Variants in HK1 observed in about 807,000 individuals in gnomAD.
HK1 encodes the protein hexokinase 1, also known as hexokinase-1.
A neutral mutation model predicts 91.6 loss-of-function variants in HK1; 28 were observed. The ratio of observed to expected loss-of-function variants is 0.31; its 90% CI spans 0.23 to 0.42. The LOEUF is 0.42. Ranked by LOEUF, HK1 falls within the 10% of genes least tolerant of loss-of-function variation. The pLI, the probability that HK1 is intolerant of heterozygous loss-of-function variation, is 1.00. For synonymous variants in HK1, 430 were observed against 468.1 expected (o/e 0.92, Z 1.05); for missense variants, 770 against 1,219.8 (o/e 0.63, Z 5.49).
intron 4 of HK1, among the ~76,000 whole-genome samples, chr10:69,299,505 T>C (rs996648320): frequency 1.3e-5 from 2 of 151,556 alleles, no homozygotes; most frequent in Non-Finnish European, 2.9e-5. Flanking sequence ...TAGTTGGGAT[T>C]ACAGGCGTGC....
At chr10:69,318,150 C>A (rs59047690), upstream of HK1, 4,463 of 985,426 alleles carry the variant, frequency 4.5e-3, 158 homozygotes, top group African/African-American at 0.071. Context: ...TGGGGTGTCG[C>A]TTTGGGTTCA....
intron 2 of HK1, among the ~76,000 whole-genome samples, chr10:69,347,697 G>A (rs1848639255): frequency 6.6e-6 from 1 of 152,138 alleles, no homozygotes. Context: ...GCCCCTCAAA[G>A]TGCTGGGATT....
upstream of HK1, among the ~76,000 whole-genome samples, chr10:69,314,522 T>C (rs552022132): frequency 1.2e-4 from 19 of 152,356 alleles, 1 homozygote; most frequent in South Asian, 3.1e-3. Flanking sequence ...GTTTAGGCAC[T>C]GGTCTTAATT....
At chr10:69,391,640 T>C (rs911188880) in intron 14 of HK1, among the ~76,000 whole-genome samples, 11 of 152,230 alleles carry the variant, frequency 7.2e-5, no homozygotes, top group Non-Finnish European at 1.0e-4. Flanking sequence ...AGACCCTGTC[T>C]TGAAGAAAAG....
At chr10:69,270,460 G>A (rs1844100144) in intron 1 of HK1, among the ~76,000 whole-genome samples, 1 of 152,130 alleles carries the variant, frequency 6.6e-6, no homozygotes, top group African/African-American at 2.4e-5. Context: ...GCAGGTGCCT[G>A]TAATCCTAGC....
rs10998727 is a variant in HK1, at chr10:69,340,131, C to T, written c.64-3696C>T. 4.6e-5 allele frequency among the ~76,000 whole-genome samples: 7 copies of T among 152,264 alleles called. No individual in the cohort carries two copies. The East Asian group carries it at 9.7e-4, about 21-fold the overall frequency. ...ATGTTTTCTTTCCCTGGGGAACTCA[C>T]GCAGTATCATAGGAGATGGACAGCT... On this transcript the variant is annotated intron_variant, in intron 1 of 17. Coordinates refer to ENST00000359426, the MANE Select transcript of HK1 (RefSeq NM_000188.3).
At chr10:69,327,874 C>G (rs1426211621) in intron 1 of HK1, among the ~76,000 whole-genome samples, 1 of 152,200 alleles carries the variant, frequency 6.6e-6, no homozygotes, top group East Asian at 1.9e-4. Flanking sequence ...GCTTCAGAGT[C>G]CCACGGACTG....
chr10:69,367,850 T>C (rs889916277), intron 4 of HK1, among the ~76,000 whole-genome samples: 1 of 152,246 alleles, frequency 6.6e-6, no homozygotes, highest in African/African-American at 2.4e-5. Context: ...AAAAGCAATA[T>C]GTAAAACTAT....
intron 5 of HK1, among the ~76,000 whole-genome samples, chr10:69,303,866 A>G (rs182636245): frequency 3.7e-4 from 57 of 152,294 alleles, no homozygotes; most frequent in African/African-American, 1.3e-3. Context: ...TTGGAGTTTT[A>G]AGGATAATTT....
intron 1 of HK1, among the ~76,000 whole-genome samples, chr10:69,330,396 C>A (rs1847648148): frequency 6.6e-6 from 1 of 151,592 alleles, no homozygotes; most frequent in Non-Finnish European, 1.5e-5. Flanking sequence ...ACATATGGGG[C>A]AGGTGAGTCC....
chr10:69,280,023 A>G (rs1333785846), intron 1 of HK1, among the ~76,000 whole-genome samples: 1 of 152,256 alleles, frequency 6.6e-6, no homozygotes, highest in Non-Finnish European at 1.5e-5. Flanking sequence ...GGAAGGATGA[A>G]AGGATTGACC....
At chr10:69,378,980 C>T (rs1482341213) in intron 8 of HK1, among the ~76,000 whole-genome samples, 2 of 152,110 alleles carry the variant, frequency 1.3e-5, no homozygotes, top group South Asian at 2.1e-4. Flanking sequence ...CTTGGGACTC[C>T]CCCGACCCTC....
intron 2 of HK1, among the ~76,000 whole-genome samples, chr10:69,350,051 T>C (rs952857588): frequency 6.6e-6 from 1 of 152,106 alleles, no homozygotes; most frequent in Non-Finnish European, 1.5e-5. Flanking sequence ...CCTGCAGCCC[T>C]AGGCTGACCC....
chr10:69,382,438 A>G lies in HK1; in HGVS notation c.1266-49A>G, dbSNP rs369030169. 70 of 1,593,218 alleles carry G rather than the reference A, an allele frequency of 4.4e-5. No homozygotes were observed. In the African/African-American group the frequency reaches 7.4e-4, roughly 17 times the overall value. On this transcript the variant is annotated intron_variant, in intron 9 of 17. Transcript: ENST00000359426. ...AAGAAAGGGTGGCCGGAGGTCCCCAATAAATGCTCAGTCCAGCTGTTGTGG... is the reference window on the plus strand; with the variant it reads ...AAGAAAGGGTGGCCGGAGGTCCCCAGTAAATGCTCAGTCCAGCTGTTGTGG...
chr10:69,348,764 C>G (rs777350713), intron 2 of HK1, among the ~76,000 whole-genome samples: 3 of 151,718 alleles, frequency 2.0e-5, no homozygotes, highest in African/African-American at 7.3e-5. Flanking sequence ...GAGCTGAGAT[C>G]ACGCCACTGC....
chr10:69,298,071 C>T (rs1322332069), intron 4 of HK1, among the ~76,000 whole-genome samples: 3 of 150,456 alleles, frequency 2.0e-5, no homozygotes, highest in East Asian at 3.9e-4. Context: ...ATTAGCCAGG[C>T]GTGGTGGCAG....
chr10:69,338,617 C>T (rs770317350), intron 1 of HK1: 4 of 1,288,528 alleles, frequency 3.1e-6, no homozygotes, highest in Non-Finnish European at 4.0e-6. Flanking sequence ...TTGGCTGGAG[C>T]AGTAAAGCAG....
intron 5 of HK1, among the ~76,000 whole-genome samples, chr10:69,309,784 C>T (rs1846278149): frequency 1.3e-5 from 2 of 151,012 alleles, no homozygotes; most frequent in South Asian, 2.1e-4. Context: ...AGGTGGCTCA[C>T]TCCTGTAATC....
At chr10:69,341,177 T>C (rs576002755) in intron 1 of HK1, among the ~76,000 whole-genome samples, 2 of 152,164 alleles carry the variant, frequency 1.3e-5, no homozygotes, top group South Asian at 4.1e-4. Flanking sequence ...TCTTTTTTTT[T>C]TGGAGACTGG....
Sources: gnomAD v4.1 joint callset for allele counts (sites outside exome capture counted in the v4.1 genomes callset) on GRCh38, gnomAD v4.1.1 for gene constraint, MANE v1.5 for transcripts, NCBI Gene and HGNC (gene_info 2026-07-23, HGNC 2026-07-21) for gene names.